Variants in GPC4 observed in about 807,000 individuals in gnomAD.
The protein encoded by GPC4 is glypican-4.
Under a neutral mutation model 35.0 loss-of-function variants are expected in GPC4, and 10 were observed. That is an observed-to-expected ratio of 0.29 (90% confidence interval 0.18 to 0.48). GPC4 has a LOEUF of 0.48. Ranked by LOEUF, GPC4 falls within the 20% of genes least tolerant of loss-of-function variation. The probability of loss-of-function intolerance (pLI) is 0.99; values close to 1 mark genes in which losing one functional copy is unlikely to be tolerated. For synonymous variants in GPC4, 167 were observed against 170.2 expected, an observed-to-expected ratio of 0.98 and a Z score of 0.15; for missense variants, 322 against 451.3, an observed-to-expected ratio of 0.71 and a Z score of 2.60.
Position 133,311,369 on chromosome X carries a change from G to A in GPC4, c.766C>T (p.His256Tyr), listed in dbSNP as rs1238801531. The change falls in exon 4 of 9, where the codon CAC becomes TAC. Residue 256 changes from histidine to tyrosine, a missense_variant. Physicochemically the swap from His to Tyr is moderately conservative, Grantham distance 83 (BLOSUM62 2). This residue lies in a region of GPC4 where 163 missense variants were observed against 277.2 expected (regional missense o/e 0.59). Transcript: ENST00000370828. ...TTCACAGTCACGAGACCCCGGCAGTGGGAGCAGTAGATCATCTTCAACAGG... is the reference window on the plus strand; with the variant it reads ...TTCACAGTCACGAGACCCCGGCAGTAGGAGCAGTAGATCATCTTCAACAGG... ...HALLKMIYCSHCRGLVTVKPC... is the reference protein window; with the variant it reads ...HALLKMIYCSYCRGLVTVKPC... The A allele has an allele frequency of 8.3e-7, 1 of 1,209,056 alleles. No individual in the cohort carries two copies. The highest frequency in any genetic ancestry group is 1.1e-6 in the Non-Finnish European group (1 of 894,157).
At chrX:133,375,613 C>G (rs764151591) in intron 1 of GPC4, among the ~76,000 whole-genome samples, 12 of 112,093 alleles carry the variant, frequency 1.1e-4, no homozygotes, top group African/African-American at 3.6e-4. Context: ...CTTGGGAATA[C>G]CATAGTCTCT....
In GPC4 at chrX:133,415,310, G is replaced by C; in HGVS notation, c.-345C>G. The C allele has an allele frequency of 4.4e-6, 1 of 226,024 alleles. No individual in the cohort carries two copies. 18.6% of individuals were successfully genotyped at this position (226,024 alleles called of 1,213,427 possible). A position where few individuals can be genotyped will look rare whatever the true frequency, so the allele number is the denominator to read the frequency against. ...ACTGGCCGGCGAGGCGGGGACGCGG[G>C]GAAGGAGGGAAGGGTGGCAGGCGCC... On this transcript the variant is annotated 5_prime_UTR_variant, in exon 1 of 9. Coordinates refer to ENST00000370828, the MANE Select transcript of GPC4 (RefSeq NM_001448.3).
At chrX:133,396,738 T>C (rs2068745127) in intron 1 of GPC4, among the ~76,000 whole-genome samples, 1 of 112,057 alleles carries the variant, frequency 8.9e-6, no homozygotes. Flanking sequence ...TTATACAGTA[T>C]TTTTAAAGAA....
At chrX:133,414,609 GCTGCGCCCGCGGGGAACGTC>G in intron 1 of GPC4, 177 bp downstream of exon 1, 1 of 754,350 alleles carries the variant, frequency 1.3e-6, no homozygotes, top group Non-Finnish European at 1.6e-6. Flanking sequence ...AGGGGGGAGC[GCTGCGCCCGCGGGGAACGTC>G]CTGCGCCCGG....
chrX:133,413,632 C>T (rs975450569), intron 1 of GPC4, among the ~76,000 whole-genome samples: 2 of 42,291 alleles, frequency 4.7e-5, no homozygotes, highest in South Asian at 1.2e-3. Flanking sequence ...GAGGCTCAGC[C>T]CCCCCCCCGG....
At chrX:133,353,228 C>T (rs189107589) in intron 1 of GPC4, among the ~76,000 whole-genome samples, 12 of 111,738 alleles carry the variant, frequency 1.1e-4, no homozygotes, top group South Asian at 3.8e-4. Context: ...AAGAATGAAA[C>T]GGCTGCATCT....
At chrX:133,344,302 C>T (rs1040378762) in intron 1 of GPC4, among the ~76,000 whole-genome samples, 15 of 92,159 alleles carry the variant, frequency 1.6e-4, no homozygotes, top group Non-Finnish European at 3.1e-4. Context: ...CTCAGCTCAC[C>T]GCAACCTCTG....
chrX:133,352,521 GAA>G (rs936684837), intron 1 of GPC4, among the ~76,000 whole-genome samples: 3 of 91,258 alleles, frequency 3.3e-5, no homozygotes, highest in African/African-American at 7.9e-5. Flanking sequence ...CTCCTTTTAA[GAA>G]AAAAAAAAAA....
chrX:133,384,181 T>C (rs941178864), intron 1 of GPC4, among the ~76,000 whole-genome samples: 20 of 111,993 alleles, frequency 1.8e-4, no homozygotes, highest in African/African-American at 6.2e-4. Flanking sequence ...TTAACTCCTT[T>C]GTAAAAAGGA....
intron 6 of GPC4, among the ~76,000 whole-genome samples, chrX:133,305,380 AAAC>A (rs1262340533): frequency 8.9e-6 from 1 of 112,196 alleles, no homozygotes; most frequent in Non-Finnish European, 1.9e-5. Context: ...AGCTTTTACT[AAAC>A]ATCATTTTAT....
intron 1 of GPC4, among the ~76,000 whole-genome samples, chrX:133,346,462 C>G (rs1317521456): frequency 9.0e-6 from 1 of 110,923 alleles, no homozygotes; most frequent in Non-Finnish European, 1.9e-5. Flanking sequence ...TGATGGTGAC[C>G]AAGCCATCAA....
At chrX:133,391,828 TAAAGG>T (rs2068720810) in intron 1 of GPC4, among the ~76,000 whole-genome samples, 1 of 111,411 alleles carries the variant, frequency 9.0e-6, no homozygotes, top group Non-Finnish European at 1.9e-5. Context: ...AAAGAAGACT[TAAAGG>T]GAAACATTCA....
chrX:133,343,951 A>G (rs1892625718), intron 1 of GPC4, among the ~76,000 whole-genome samples: 1 of 109,721 alleles, frequency 9.1e-6, no homozygotes, highest in Non-Finnish European at 1.9e-5. Flanking sequence ...CAGCGCTCTG[A>G]GGCAATCTGT....
intron 2 of GPC4, among the ~76,000 whole-genome samples, chrX:133,327,101 CAA>C (rs771198294): frequency 2.8e-4 from 32 of 112,546 alleles, no homozygotes; most frequent in Middle Eastern, 9.1e-3. Flanking sequence ...ATTTCATGAC[CAA>C]AAAGAGTGGA....
intron 1 of GPC4, among the ~76,000 whole-genome samples, chrX:133,367,554 G>C (rs765120957): frequency 8.9e-6 from 1 of 112,415 alleles, no homozygotes; most frequent in South Asian, 3.7e-4. Flanking sequence ...ACATGGGAGA[G>C]TGAAAGAAGG....
At chrX:133,311,468 T>C in intron 3 of GPC4, 45 bp from the exon 4 acceptor site, 2 of 1,138,780 alleles carry the variant, frequency 1.8e-6, no homozygotes, top group African/African-American at 1.8e-5. Flanking sequence ...GGGGCTAAAA[T>C]AGAGACAGAA....
rs753989567 is a variant in GPC4 at position 133,367,538 on chromosome X, C to G, written c.161-28197G>C. 2.9e-4 allele frequency among the ~76,000 whole-genome samples: 32 copies of G among 112,139 alleles called. No homozygotes were observed. The South Asian group carries it at 0.012, about 42-fold the overall frequency. ...GGTGACCACAAATTATAGGCCAAAC[C>G]AGGACACATGGGAGAGTGAAAGAAG... On this transcript the variant is annotated intron_variant, in intron 1 of 8. Transcript: ENST00000370828.
intron 1 of GPC4, among the ~76,000 whole-genome samples, chrX:133,396,260 T>G (rs2068742340): frequency 9.0e-6 from 1 of 111,697 alleles, no homozygotes; most frequent in Non-Finnish European, 1.9e-5. Context: ...TTGACACAAC[T>G]CTCTGATCAC....
At chrX:133,366,396 T>C (rs142696077) in intron 1 of GPC4, among the ~76,000 whole-genome samples, 150 of 111,880 alleles carry the variant, frequency 1.3e-3, no homozygotes, top group African/African-American at 4.7e-3. Context: ...CTACAAAAGG[T>C]TGGGCTCCAC....
Sources: allele counts gnomAD v4.1 joint callset (sites outside exome capture counted in the v4.1 genomes callset), GRCh38; gene constraint gnomAD v4.1.1; regional missense constraint gnomAD v4.1.1; transcripts MANE v1.5; gene names NCBI Gene and HGNC (gene_info 2026-07-23, HGNC 2026-07-21).